Variants in PIP4P2 observed in about 807,000 individuals in gnomAD.
PIP4P2 encodes the protein phosphatidylinositol-4,5-bisphosphate 4-phosphatase 2.
A neutral mutation model predicts 33.3 loss-of-function variants in PIP4P2; 19 were observed. The observed-to-expected ratio is 0.57, with a 90% CI of 0.40 to 0.84. The LOEUF is 0.84. Among genes scored for constraint, PIP4P2 ranks in the 40% least tolerant of loss-of-function variants. The pLI is 0.00. For synonymous variants in PIP4P2, 110 were observed against 111.9 expected (o/e 0.98, Z 0.11); for missense variants, 270 against 324.7 (o/e 0.83, Z 1.29).
chr8:91,038,934 G>T (rs962109081), intron 1 of PIP4P2, among the ~76,000 whole-genome samples: 1 of 152,074 alleles, frequency 6.6e-6, no homozygotes, highest in Non-Finnish European at 1.5e-5. Flanking sequence ...TTTCTCAGTG[G>T]CTGAACTGGA....
intron 3 of PIP4P2, 44 bp from the exon 4 acceptor site, chr8:91,018,557 A>C (rs1418148269): frequency 3.7e-6 from 6 of 1,612,256 alleles, no homozygotes; most frequent in Non-Finnish European, 5.1e-6. Flanking sequence ...CCACAAATGG[A>C]CTGAGAGCAA....
rs778855940 is a variant in PIP4P2, at chr8:91,021,216, A to G, written c.255+40T>C. On this transcript the variant is annotated intron_variant, in intron 2 of 6. Transcript: ENST00000285419. ...ACTTCCTTTAGGAATAAAATGTCAA[A>G]TAACAATTTATATTTTTTCTAATGG... 5 of 1,605,990 alleles carry G rather than the reference A, an allele frequency of 3.1e-6. No homozygotes were observed. In the South Asian group the frequency reaches 5.5e-5, roughly 18 times the overall value.
chr8:91,030,138 T>C (rs1035354612), intron 1 of PIP4P2, among the ~76,000 whole-genome samples: 9 of 151,472 alleles, frequency 5.9e-5, no homozygotes, highest in Admixed American at 3.3e-4. Context: ...CCTACTCATC[T>C]ACCTATAGGA....
chr8:91,002,496 A>G (rs978095628), intron 5 of PIP4P2, among the ~76,000 whole-genome samples: 5 of 152,300 alleles, frequency 3.3e-5, no homozygotes, highest in Admixed American at 1.3e-4. Context: ...AGGAATTTAT[A>G]AGGGGAAAAG....
rs915681822 is a variant in PIP4P2 at position 90,995,697 on chromosome 8, G to C, written c.754C>G (p.Pro252Ala). Reference sequence around the variant, plus strand: ...CAAGCTTATGCAAAACTGTGTTCTGGATAACTGACTCTTATGGCTCCCCAA... The same window carrying C: ...CAAGCTTATGCAAAACTGTGTTCTGCATAACTGACTCTTATGGCTCCCCAA... ...CYWGAIRVSY[P>A]EHSFA The change falls in exon 7 of 7, where the codon CCA becomes GCA. Residue 252 changes from proline to alanine, a missense_variant. Coordinates refer to ENST00000285419, the MANE Select transcript of PIP4P2 (RefSeq NM_018710.3). 6.2e-7 allele frequency: 1 copy of C among 1,612,558 alleles called. No individual in the cohort carries two copies. Among genetic ancestry groups the C allele is most frequent in the Non-Finnish European group, 8.5e-7 (1 of 1,179,330 alleles).
rs759523816 is a variant in PIP4P2, at chr8:91,040,633, G to C, written c.106+11C>G. ...TTCCTTGCAAAGTAGAGGGATCTAC[G>C]CTGGCCTTACCTCTGGGGCTGCTTT... On this transcript the variant is annotated intron_variant, in intron 1 of 6. Coordinates refer to ENST00000285419, the MANE Select transcript of PIP4P2 (RefSeq NM_018710.3). 9 of 1,613,504 alleles carry C rather than the reference G, an allele frequency of 5.6e-6. No homozygotes were observed. Among genetic ancestry groups the C allele is most frequent in the South Asian group, 1.1e-5 (1 of 91,056 alleles).
intron 4 of PIP4P2, among the ~76,000 whole-genome samples, chr8:91,015,328 A>C (rs1210442747): frequency 6.6e-6 from 1 of 152,106 alleles, no homozygotes; most frequent in Non-Finnish European, 1.5e-5. Flanking sequence ...AGGATAAGGA[A>C]GAGTGGAAGG....
In PIP4P2 at chr8:91,018,527, A is replaced by C; in HGVS notation, c.363-14T>G. 1 of 1,611,286 alleles carries C rather than the reference A, an allele frequency of 6.2e-7. No homozygotes were observed. Among genetic ancestry groups the C allele is most frequent in the Non-Finnish European group, 8.5e-7 (1 of 1,179,206 alleles). ...ATTATCCGTCTACTGTGAAAAGAGAAAGGAAACAACTTCACTATCCCACAA... is the reference window on the plus strand; with the variant it reads ...ATTATCCGTCTACTGTGAAAAGAGACAGGAAACAACTTCACTATCCCACAA... On this transcript the variant is annotated splice_polypyrimidine_tract_variant and intron_variant, in intron 3 of 6. Coordinates refer to ENST00000285419, the MANE Select transcript of PIP4P2 (RefSeq NM_018710.3).
intron 4 of PIP4P2, among the ~76,000 whole-genome samples, chr8:91,015,372 C>T (rs190179235): frequency 5.3e-5 from 8 of 152,124 alleles, no homozygotes; most frequent in South Asian, 4.2e-4. Flanking sequence ...GAGGAGGAGA[C>T]AGTTTTCACC....
intron 1 of PIP4P2, among the ~76,000 whole-genome samples, chr8:91,025,185 C>T (rs1451911532): frequency 1.4e-5 from 2 of 146,174 alleles, no homozygotes; most frequent in Admixed American, 6.9e-5. Flanking sequence ...AAGGAAGAAT[C>T]GGGGTGGGGG....
At chr8:91,025,384 A>G (rs1430269704) in intron 1 of PIP4P2, among the ~76,000 whole-genome samples, 1 of 152,128 alleles carries the variant, frequency 6.6e-6, no homozygotes, top group Non-Finnish European at 1.5e-5. Flanking sequence ...TTCTCATCAC[A>G]TTTACCTAAT....
chr8:90,997,029 A>C (rs1022393501), intron 5 of PIP4P2, among the ~76,000 whole-genome samples: 1 of 152,148 alleles, frequency 6.6e-6, no homozygotes, highest in Non-Finnish European at 1.5e-5. Context: ...CCCAAGATAA[A>C]AGTTTATTTC....
At chr8:91,023,915 T>C (rs1379225260) in intron 1 of PIP4P2, among the ~76,000 whole-genome samples, 1 of 152,006 alleles carries the variant, frequency 6.6e-6, no homozygotes, top group Non-Finnish European at 1.5e-5. Flanking sequence ...TGCTACGACT[T>C]TCAAATAGCA....
At chr8:90,997,534 A>T (rs892692267) in intron 5 of PIP4P2, among the ~76,000 whole-genome samples, 1 of 152,116 alleles carries the variant, frequency 6.6e-6, no homozygotes, top group Non-Finnish European at 1.5e-5. Context: ...GTGCTACTCA[A>T]TTGAAATTCC....
intron 4 of PIP4P2, among the ~76,000 whole-genome samples, chr8:91,013,974 G>A (rs1811874422): frequency 6.6e-6 from 1 of 152,128 alleles, no homozygotes; most frequent in Non-Finnish European, 1.5e-5. Flanking sequence ...AAAAATCCTA[G>A]CAATTCTGGT....
intron 1 of PIP4P2, chr8:91,024,436 A>G (rs554593895): frequency 3.1e-6 from 1 of 325,880 alleles, no homozygotes; most frequent in East Asian, 8.7e-5. Flanking sequence ...TAAACCTATA[A>G]TAATTAAATT....
At chr8:91,012,312 T>C (rs1263166242) in intron 4 of PIP4P2, among the ~76,000 whole-genome samples, 1 of 152,010 alleles carries the variant, frequency 6.6e-6, no homozygotes, top group East Asian at 1.9e-4. Context: ...CTTATCTCAA[T>C]TGCTTTTAGC....
At chr8:91,008,233 A>G (rs1180044282) in intron 5 of PIP4P2, among the ~76,000 whole-genome samples, 3 of 152,160 alleles carry the variant, frequency 2.0e-5, no homozygotes, top group Non-Finnish European at 4.4e-5. Context: ...TTCATTTTAT[A>G]TTGTCATTAT....
At chr8:91,002,165 C>T (rs1437437950) in intron 5 of PIP4P2, among the ~76,000 whole-genome samples, 1 of 152,070 alleles carries the variant, frequency 6.6e-6, no homozygotes, top group African/African-American at 2.4e-5. Context: ...CTGTAGATCC[C>T]TAGTGTTGGC....
Sources: gnomAD v4.1 joint callset for allele counts (sites outside exome capture counted in the v4.1 genomes callset) on GRCh38, gnomAD v4.1.1 for gene constraint, MANE v1.5 for transcripts, NCBI Gene and HGNC (gene_info 2026-07-23, HGNC 2026-07-21) for gene names.